Variants in OSBPL5 observed in about 807,000 individuals in gnomAD.
OSBPL5 encodes the protein oxysterol binding protein like 5.
OSBPL5 carries 71 observed loss-of-function variants against 111.2 expected under a neutral mutation model. That is an observed-to-expected ratio of 0.64 (90% CI 0.53 to 0.78). OSBPL5 has a LOEUF of 0.78. OSBPL5 is among the 30% of genes least tolerant of loss of function. The probability of loss-of-function intolerance (pLI) is 0.00; values close to 1 mark genes in which losing one functional copy is unlikely to be tolerated. For missense variants in OSBPL5, 1,210 were observed against 1,189.3 expected (o/e 1.02, Z -0.26); for synonymous variants, 549 against 513.9 (o/e 1.07, Z -0.93).
rs774192603 is a variant in OSBPL5 at position 3,114,591 on chromosome 11, A to ACTTTTT, written c.691+4955_691+4956insAAAAAG. Among the ~76,000 whole-genome samples, 252 of 113,902 alleles carry ACTTTTT rather than the reference A, an allele frequency of 2.2e-3. 88 individuals carry two copies. The highest frequency in any genetic ancestry group is 6.3e-3 in the African/African-American group (180 of 28,412). 74.7% of individuals were successfully genotyped at this position (113,902 alleles called of 152,430 possible). A position where few individuals can be genotyped will look rare whatever the true frequency, so the allele number is the denominator to read the frequency against. On this transcript the variant is annotated intron_variant, in intron 7 of 21. Coordinates refer to ENST00000263650, the MANE Select transcript of OSBPL5 (RefSeq NM_020896.4). Reference sequence around the variant, plus strand: ...GACTAAAGAATTGGTTAGAACAATGATTTTTTTTTTTTTTTTTTTTTTTTT... The same window carrying ACTTTTT: ...GACTAAAGAATTGGTTAGAACAATGACTTTTTTTTTTTTTTTTTTTTTTTTTTTTTT...
chr11:3,098,475 C>T (rs943417738), intron 14 of OSBPL5, among the ~76,000 whole-genome samples: 1 of 140,054 alleles, frequency 7.1e-6, no homozygotes, highest in Non-Finnish European at 1.5e-5. Flanking sequence ...AGCTATCAAG[C>T]CATAAAAAGA....
chr11:3,115,325 C>T (rs530924070), intron 7 of OSBPL5, among the ~76,000 whole-genome samples: 440 of 152,250 alleles, frequency 2.9e-3, no homozygotes, highest in Non-Finnish European at 3.4e-3. Context: ...GTTATTCCGT[C>T]CTTATATCTT....
rs1006865304 is a variant in OSBPL5 at position 3,141,713 on chromosome 11, C to T, written c.-21-12544G>A. Among the ~76,000 whole-genome samples, 3 of 152,124 alleles carry T rather than the reference C, an allele frequency of 2.0e-5. No homozygotes were observed. The highest frequency in any genetic ancestry group is 7.2e-5 in the African/African-American group (3 of 41,412). On this transcript the variant is annotated intron_variant, in intron 1 of 21. Transcript: ENST00000263650. The surrounding 1 kb of genome is among the most constrained non-coding windows in gnomAD (Gnocchi z 6.5). The stretch of plus-strand genomic sequence containing the variant: ...GCATCCCAGTGCTTTGCCGAGGTGC[C>T]TACGCCACCCTTGCATGTGTGTCCT...
intron 14 of OSBPL5, 98 bp from the exon 15 acceptor site, chr11:3,094,432 G>A (rs1857180173): frequency 9.9e-6 from 9 of 909,352 alleles, no homozygotes; most frequent in Non-Finnish European, 1.2e-5. Flanking sequence ...CCTGAGTCCC[G>A]ACCCAGCAGC....
Position 3,112,024 on chromosome 11 carries a change from CAT to C in OSBPL5, c.692-4081_692-4080del, listed in dbSNP as rs1370928368. ...GTGTGTGTGTGCGCGCATGTGTGTG[CAT>C]GTGTGTGTATGTGTGCGCGCATGTG... is the stretch of plus-strand genomic sequence containing the variant. On this transcript the variant is annotated intron_variant, in intron 7 of 21. Coordinates refer to ENST00000263650, the MANE Select transcript of OSBPL5 (RefSeq NM_020896.4). Among the ~76,000 whole-genome samples, 122 of 42,718 alleles carry C rather than the reference CAT, an allele frequency of 2.9e-3. 2 individuals are homozygous for C. The highest frequency in any genetic ancestry group is 0.02 in the Middle Eastern group (2 of 100). The allele number at this position is 42,718 out of a possible 152,430, so 28.0% of individuals were successfully genotyped here. A position where few individuals can be genotyped will look rare whatever the true frequency, so the allele number is the denominator to read the frequency against.
chr11:3,139,903 G>A (rs1297912021), intron 1 of OSBPL5, among the ~76,000 whole-genome samples: 3 of 152,234 alleles, frequency 2.0e-5, no homozygotes, highest in Non-Finnish European at 4.4e-5. Context: ...GGGGTGGGGC[G>A]CTCACAGCCT....
Position 3,102,169 on chromosome 11 carries a change from A to G in OSBPL5, c.1425+14T>C, listed in dbSNP as rs58090999. The G allele has an allele frequency of 0.13, 204,137 of 1,580,172 alleles. 14,851 individuals are homozygous for G. Among genetic ancestry groups the G allele is most frequent in the African/African-American group, 0.29 (21,375 of 74,544 alleles). The stretch of plus-strand genomic sequence containing the variant: ...GCCCAGCACCCAGGCCGGTTGCAGC[A>G]GAGGTGCTCTTGCCTGCTCTGCTAT... On this transcript the variant is annotated intron_variant, in intron 12 of 21. Transcript: ENST00000263650.
At chr11:3,099,171 T>C (rs80155987) in intron 14 of OSBPL5, among the ~76,000 whole-genome samples, 2,359 of 152,272 alleles carry the variant, frequency 0.015, 57 homozygotes, top group African/African-American at 0.054. Context: ...ACCGTATGAT[T>C]CCAACTACAT....
intron 7 of OSBPL5, among the ~76,000 whole-genome samples, chr11:3,114,746 C>G (rs1421221865): frequency 1.3e-5 from 2 of 151,520 alleles, no homozygotes; most frequent in Non-Finnish European, 2.9e-5. Context: ...CTACAGGCGC[C>G]CGCCACCACG....
At chr11:3,103,362 C>T (rs202030942) in intron 10 of OSBPL5, 42 bp from the exon 11 acceptor site, 43 of 1,538,124 alleles carry the variant, frequency 2.8e-5, no homozygotes, top group East Asian at 7.2e-5. Flanking sequence ...CTCCGGGGGC[C>T]GTGGGCCACC....
rs1316535206 is a variant in OSBPL5 at position 3,104,992 on chromosome 11, A to C, written c.1060-615T>G. Among the ~76,000 whole-genome samples the C allele has an allele frequency of 6.6e-6, 1 of 152,022 alleles. No individual in the cohort carries two copies. Among genetic ancestry groups the C allele is most frequent in the East Asian group, 1.9e-4 (1 of 5,166 alleles). On this transcript the variant is annotated intron_variant, in intron 9 of 21. Transcript: ENST00000263650. This position sits in a 1 kb window ranked among gnomAD's most constrained non-coding sequence, Gnocchi z 5.0. Reference sequence around the variant, plus strand: ...TCCGAAGCCTGTGTGCCCCTCACGAAGGCCCCCTCATCTCTTCCTTTTCTG... The same window carrying C: ...TCCGAAGCCTGTGTGCCCCTCACGACGGCCCCCTCATCTCTTCCTTTTCTG...
At chr11:3,102,429 C>T (rs778007676) in intron 11 of OSBPL5, 148 bp from the exon 12 acceptor site, 64 of 694,312 alleles carry the variant, frequency 9.2e-5, no homozygotes, top group Non-Finnish European at 1.3e-4. Context: ...GGAACAACAC[C>T]TCACTTCTGC....
chr11:3,096,243 G>T (rs1338819757), intron 14 of OSBPL5, among the ~76,000 whole-genome samples: 1 of 152,230 alleles, frequency 6.6e-6, no homozygotes, highest in Non-Finnish European at 1.5e-5. Flanking sequence ...CTGGGGATAT[G>T]AACCAGATTG....
chr11:3,103,276 A>G lies in OSBPL5; in HGVS notation c.1289T>C (p.Leu430Pro). The change falls in exon 11 of 22, where the codon CTG becomes CCG. Residue 430 changes from leucine to proline, a missense_variant. Transcript: ENST00000263650. Reference protein sequence around the residue: ...EDAYSRMKLVLRWYLSGFYKK... With the variant: ...EDAYSRMKLVPRWYLSGFYKK... ...GTAGAAGCCAGACAGGTACCACCGC[A>G]GCACCAGCTTCATGCGGCTGTAGGC... 6.2e-7 allele frequency: 1 copy of G among 1,608,594 alleles called. No individual in the cohort carries two copies. The highest frequency in any genetic ancestry group is 8.5e-7 in the Non-Finnish European group (1 of 1,177,564).
Position 3,100,176 on chromosome 11 carries a change from G to T in OSBPL5, c.1603C>A (p.Pro535Thr). Residue 535 changes from proline to threonine, a missense_variant, in exon 14 of 22, where the codon CCC becomes ACC. Coordinates refer to ENST00000263650, the MANE Select transcript of OSBPL5 (RefSeq NM_020896.4). ...NRAEDYTLTM[P>T]YAHCKGILYG... ...CTCTCACCTTTGCAGTGGGCGTAGG[G>T]CATGGTAAGGGTGTAATCCTCGGCT... The T allele has an allele frequency of 1.2e-6, 2 of 1,614,176 alleles. No individual in the cohort carries two copies. Among genetic ancestry groups the T allele is most frequent in the Non-Finnish European group, 1.7e-6 (2 of 1,180,032 alleles).
At chr11:3,139,237 A>G (rs1455332174) in intron 1 of OSBPL5, among the ~76,000 whole-genome samples, 1 of 152,196 alleles carries the variant, frequency 6.6e-6, no homozygotes, top group East Asian at 1.9e-4. Flanking sequence ...CTGGAGGAGC[A>G]GGTGGCCACC....
intron 21 of OSBPL5, among the ~76,000 whole-genome samples, chr11:3,088,906 C>T (rs1295005625): frequency 2.0e-5 from 3 of 152,038 alleles, no homozygotes; most frequent in Non-Finnish European, 4.4e-5. Context: ...TCCGGGACCG[C>T]GAGGGAGTAG....
At chr11:3,147,505 C>G (rs1011880898) in intron 1 of OSBPL5, among the ~76,000 whole-genome samples, 1 of 152,260 alleles carries the variant, frequency 6.6e-6, no homozygotes, top group African/African-American at 2.4e-5. Context: ...CACATAGCCC[C>G]GTGCAGGCCC....
intron 3 of OSBPL5, among the ~76,000 whole-genome samples, chr11:3,123,595 G>C (rs1247967658): frequency 2.0e-5 from 3 of 152,242 alleles, no homozygotes; most frequent in Non-Finnish European, 2.9e-5. Flanking sequence ...CTCTGGCTGG[G>C]CGTCTGCGGG....
Sources: gnomAD v4.1 joint callset for allele counts (sites outside exome capture counted in the v4.1 genomes callset) on GRCh38, gnomAD v4.1.1 for gene constraint, Gnocchi (gnomAD v3.1) non-coding constraint, MANE v1.5 for transcripts, NCBI Gene and HGNC (gene_info 2026-07-23, HGNC 2026-07-21) for gene names.